The following CNTN1 variants were observed in gnomAD, a reference collection of about 807,000 sequenced individuals.
CNTN1 encodes contactin 1, also known as contactin-1.
CNTN1 carries 38 observed loss-of-function variants against 126.4 expected under a neutral mutation model. The observed-to-expected ratio is 0.30, with a 90% CI of 0.23 to 0.39. The LOEUF is 0.39. CNTN1 is among the 10% of genes least tolerant of loss of function. The pLI is 1.00. For synonymous variants in CNTN1, 413 were observed against 422.6 expected (o/e 0.98, Z 0.28); for missense variants, 1,009 against 1,248.4 (o/e 0.81, Z 2.89).
intron 17 of CNTN1, among the ~76,000 whole-genome samples, chr12:40,999,662 A>T (rs1044429953): frequency 5.3e-5 from 8 of 149,982 alleles, no homozygotes; most frequent in Admixed American, 2.0e-4. Context: ...ATATAAAAAC[A>T]CTTTATTAAG....
chr12:40,971,593 G>GCTTTCC, intron 15 of CNTN1: 1 of 1,525,050 alleles, frequency 6.6e-7, no homozygotes, highest in Non-Finnish European at 8.7e-7. Context: ...CAATCTTGTA[G>GCTTTCC]CTTCTGCAGT....
At chr12:40,913,807 A>G (rs1052238376) in intron 3 of CNTN1, among the ~76,000 whole-genome samples, 1 of 152,204 alleles carries the variant, frequency 6.6e-6, no homozygotes, top group African/African-American at 2.4e-5. Flanking sequence ...TCTCATTTAC[A>G]TTAGTAAATA....
chr12:40,995,139 T>A (rs1470849982), intron 17 of CNTN1, among the ~76,000 whole-genome samples: 1 of 152,128 alleles, frequency 6.6e-6, no homozygotes, highest in Non-Finnish European at 1.5e-5. Context: ...TTATCCTTTT[T>A]TATCTAATAA....
intron 1 of CNTN1, among the ~76,000 whole-genome samples, chr12:40,790,537 T>C (rs1565739688): frequency 6.6e-6 from 1 of 152,084 alleles, no homozygotes; most frequent in Non-Finnish European, 1.5e-5. Flanking sequence ...TGTCCTCATC[T>C]CACTGCCTGT....
chr12:40,731,856 A>T (rs984775589), intron 1 of CNTN1, among the ~76,000 whole-genome samples: 14 of 152,008 alleles, frequency 9.2e-5, no homozygotes, highest in Non-Finnish European at 1.9e-4. Context: ...GTTATCTCTG[A>T]CTGGGGCTCT....
At chr12:40,894,234 C>T (rs1944330559) in intron 1 of CNTN1, among the ~76,000 whole-genome samples, 1 of 152,020 alleles carries the variant, frequency 6.6e-6, no homozygotes, top group Admixed American at 6.6e-5. Flanking sequence ...CAAATGATTA[C>T]TTTTACATAC....
Position 40,943,661 on chromosome 12 carries a change from T to C in CNTN1, c.1444T>C (p.Tyr482His), listed in dbSNP as rs769284324. The change falls in exon 13 of 24, where the codon TAT (tyrosine) becomes CAT (histidine). Residue 482 changes from tyrosine (Y) to histidine (H), a missense_variant. By Grantham distance (83) the Tyr-to-His change is moderately conservative. Coordinates refer to ENST00000551295, the MANE Select transcript of CNTN1 (RefSeq NM_001843.4). The stretch of plus-strand genomic sequence containing the variant: ...CATTACAAGGAATGATGGAGGTATC[T>C]ATACATGCTTTGCAGAAAATAACAG... The part of the protein sequence containing the change: ...NNITRNDGGI[Y>H]TCFAENNRGK... 7.5e-6 allele frequency: 12 copies of C among 1,609,576 alleles called. No individual in the cohort carries two copies. In the Admixed American group the frequency reaches 2.0e-4, roughly 27 times the overall value.
intron 1 of CNTN1, among the ~76,000 whole-genome samples, chr12:40,778,557 A>C (rs929049776): frequency 6.6e-6 from 1 of 151,852 alleles, no homozygotes; most frequent in African/African-American, 2.4e-5. Context: ...ATATTATATT[A>C]ATCTGGAGCA....
At chr12:40,970,434 T>A (rs1947469260) in intron 15 of CNTN1, among the ~76,000 whole-genome samples, 1 of 152,114 alleles carries the variant, frequency 6.6e-6, no homozygotes, top group African/African-American at 2.4e-5. Flanking sequence ...CTATTTACCG[T>A]AAGGACTGAA....
At chr12:40,757,819 A>T (rs772782044) in intron 1 of CNTN1, among the ~76,000 whole-genome samples, 3 of 152,174 alleles carry the variant, frequency 2.0e-5, no homozygotes, top group Non-Finnish European at 2.9e-5. Flanking sequence ...TCTTTATTAA[A>T]ATAATCAAAT....
intron 1 of CNTN1, among the ~76,000 whole-genome samples, chr12:40,832,553 G>A (rs1358387963): frequency 2.6e-5 from 4 of 152,114 alleles, no homozygotes; most frequent in Non-Finnish European, 4.4e-5. Context: ...AGTACACTTC[G>A]TGATGTTCCC....
At chr12:40,858,314 T>C (rs1942988514) in intron 1 of CNTN1, among the ~76,000 whole-genome samples, 1 of 152,160 alleles carries the variant, frequency 6.6e-6, no homozygotes, top group Non-Finnish European at 1.5e-5. Context: ...GACCAGCCCA[T>C]TCAGAATAAT....
chr12:40,955,077 A>G (rs1946826204), intron 14 of CNTN1, among the ~76,000 whole-genome samples: 1 of 152,034 alleles, frequency 6.6e-6, no homozygotes, highest in Admixed American at 6.6e-5. Flanking sequence ...AAGACTCTAC[A>G]GGTGTAGTTA....
At chr12:40,752,479 G>GA (rs1163748766) in intron 1 of CNTN1, among the ~76,000 whole-genome samples, 2 of 151,950 alleles carry the variant, frequency 1.3e-5, no homozygotes, top group Non-Finnish European at 2.9e-5. Flanking sequence ...ATATGATTTT[G>GA]AAAAAATGTC....
chr12:40,868,134 C>T (rs115926323), intron 1 of CNTN1, among the ~76,000 whole-genome samples: 1 of 151,832 alleles, frequency 6.6e-6, no homozygotes, highest in Non-Finnish European at 1.5e-5. Context: ...GCTTCTATTT[C>T]TTTTCTTTAT....
intron 23 of CNTN1, among the ~76,000 whole-genome samples, chr12:41,042,391 C>T (rs1304299467): frequency 6.6e-6 from 1 of 152,014 alleles, no homozygotes; most frequent in Non-Finnish European, 1.5e-5. Context: ...AATGTATATT[C>T]TGTTGATTTG....
intron 1 of CNTN1, among the ~76,000 whole-genome samples, chr12:40,793,840 G>T (rs1940310666): frequency 6.6e-6 from 1 of 151,842 alleles, no homozygotes; most frequent in Non-Finnish European, 1.5e-5. Context: ...TTTTATCACA[G>T]CCTTATAACA....
chr12:40,984,244 T>G (rs1947897199), intron 16 of CNTN1, among the ~76,000 whole-genome samples: 1 of 152,070 alleles, frequency 6.6e-6, no homozygotes, highest in Non-Finnish European at 1.5e-5. Flanking sequence ...GTCTGTTATA[T>G]TATCCTTTAT....
intron 23 of CNTN1, chr12:41,061,832 C>T (rs751052492): frequency 2.9e-5 from 13 of 455,346 alleles, no homozygotes; most frequent in Non-Finnish European, 4.9e-5. Flanking sequence ...TGTCTTGAGC[C>T]CAAATATTCT....
Sources: allele counts gnomAD v4.1 joint callset (sites outside exome capture counted in the v4.1 genomes callset), GRCh38; gene constraint gnomAD v4.1.1; transcripts MANE v1.5; gene names NCBI Gene and HGNC (gene_info 2026-07-23, HGNC 2026-07-21).